CADPS: variants seen among roughly 807,000 people sequenced by gnomAD.
CADPS encodes the protein calcium-dependent secretion activator 1.
A neutral mutation model predicts 167.3 loss-of-function variants in CADPS; 57 were observed. The ratio of observed to expected loss-of-function variants is 0.34; its 90% CI spans 0.28 to 0.42. The LOEUF is 0.42. CADPS is among the 20% of genes least tolerant of loss of function. CADPS has a pLI of 1.00. For synonymous variants in CADPS, 676 were observed against 635.3 expected (o/e 1.06, Z -0.96); for missense variants, 1,414 against 1,738.1 (o/e 0.81, Z 3.32).
At chr3:62,621,801 C>T (rs1006196220) in intron 6 of CADPS, among the ~76,000 whole-genome samples, 3 of 151,972 alleles carry the variant, frequency 2.0e-5, no homozygotes, top group African/African-American at 7.2e-5. Context: ...CCGTGAGTTC[C>T]CATCATTTAG....
intron 1 of CADPS, among the ~76,000 whole-genome samples, chr3:62,823,194 G>A (rs559579288): frequency 6.6e-6 from 1 of 152,300 alleles, no homozygotes; most frequent in Non-Finnish European, 1.5e-5. Flanking sequence ...AACTCAGGTG[G>A]TAAGACTTAA....
chr3:62,735,491 G>A (rs2078814798), intron 3 of CADPS, among the ~76,000 whole-genome samples: 1 of 152,104 alleles, frequency 6.6e-6, no homozygotes, highest in Admixed American at 6.6e-5. Context: ...CATTTTGCAT[G>A]TCTTAAATAT....
At chr3:62,845,650 T>A (rs1174843346) in intron 1 of CADPS, among the ~76,000 whole-genome samples, 1 of 152,212 alleles carries the variant, frequency 6.6e-6, no homozygotes, top group Non-Finnish European at 1.5e-5. Flanking sequence ...TTTGTTGATA[T>A]GTCCCTTAAA....
chr3:62,840,178 CCT>C (rs1163978674), intron 1 of CADPS, among the ~76,000 whole-genome samples: 2 of 152,136 alleles, frequency 1.3e-5, no homozygotes, highest in African/African-American at 4.8e-5. Flanking sequence ...TCTTATTTAA[CCT>C]CTCTCACCCT....
At chr3:62,775,084 C>G (rs2089945211) in intron 1 of CADPS, among the ~76,000 whole-genome samples, 1 of 151,986 alleles carries the variant, frequency 6.6e-6, no homozygotes, top group South Asian at 2.1e-4. Context: ...GTCACTCAGG[C>G]TGGAGTGCAT....
intron 23 of CADPS, among the ~76,000 whole-genome samples, chr3:62,475,621 A>C (rs560319499): frequency 6.6e-6 from 1 of 151,496 alleles, no homozygotes; most frequent in Non-Finnish European, 1.5e-5. Flanking sequence ...AACACCTAAA[A>C]ATCCCAAACC....
Position 62,851,039 on chromosome 3 carries a change from T to C in CADPS, c.441+23550A>G, listed in dbSNP as rs1272543324. Among the ~76,000 whole-genome samples the C allele has an allele frequency of 6.1e-3, 798 of 130,488 alleles. 11 individuals carry two copies. Among genetic ancestry groups the C allele is most frequent in the African/African-American group, 0.021 (725 of 33,988 alleles). The allele number at this position is 130,488 out of a possible 152,430, so 85.6% of individuals were successfully genotyped here. A position where few individuals can be genotyped will look rare whatever the true frequency, so the allele number is the denominator to read the frequency against. On this transcript the variant is annotated intron_variant, in intron 1 of 29. Coordinates refer to ENST00000383710, the MANE Select transcript of CADPS (RefSeq NM_003716.4). ...TTTACCATTATGTAATGGCCTTCTT[T>C]GTCTCTTTTGATCTTTGTTGGTTTA...
At chr3:62,460,518 A>G (rs1238207466) in intron 26 of CADPS, among the ~76,000 whole-genome samples, 2 of 152,156 alleles carry the variant, frequency 1.3e-5, no homozygotes, top group Non-Finnish European at 2.9e-5. Context: ...AGAAAATACT[A>G]ACAAACTCTG....
intron 6 of CADPS, among the ~76,000 whole-genome samples, chr3:62,609,760 C>T (rs1219523333): frequency 1.3e-5 from 2 of 152,164 alleles, no homozygotes; most frequent in Non-Finnish European, 2.9e-5. Context: ...TAACAATGTC[C>T]TAGAAGTGAC....
chr3:62,673,373 T>C (rs1237113330), intron 3 of CADPS, among the ~76,000 whole-genome samples: 1 of 152,120 alleles, frequency 6.6e-6, no homozygotes, highest in Non-Finnish European at 1.5e-5. Context: ...GTTGAATGAG[T>C]AAATGAAAGT....
chr3:62,800,185 C>T (rs2093678057), intron 1 of CADPS, among the ~76,000 whole-genome samples: 1 of 152,120 alleles, frequency 6.6e-6, no homozygotes, highest in South Asian at 2.1e-4. Context: ...TAGGACAGTC[C>T]TTTGTCACTT....
intron 28 of CADPS, among the ~76,000 whole-genome samples, chr3:62,413,367 C>A (rs923180900): frequency 6.6e-6 from 1 of 152,128 alleles, no homozygotes; most frequent in Admixed American, 6.5e-5. Flanking sequence ...AAGGTAGAAG[C>A]AACCCAAGTG....
chr3:62,630,107 C>A (rs896127106), intron 6 of CADPS, among the ~76,000 whole-genome samples: 1 of 152,136 alleles, frequency 6.6e-6, no homozygotes, highest in African/African-American at 2.4e-5. Context: ...AGGGTGGAGA[C>A]TGTGTCTGTC....
chr3:62,528,006 G>A (rs1399184783), intron 13 of CADPS, among the ~76,000 whole-genome samples: 1 of 152,154 alleles, frequency 6.6e-6, no homozygotes, highest in Admixed American at 6.5e-5. Context: ...CCCTTAGGTG[G>A]TATAAAACTC....
chr3:62,491,268 T>G, intron 21 of CADPS, 71 bp downstream of exon 21: 4 of 1,450,782 alleles, frequency 2.8e-6, no homozygotes, highest in Non-Finnish European at 3.8e-6. Flanking sequence ...ATGACATCAT[T>G]AATCCATTTC....
chr3:62,745,806 T>C (rs1176333391), intron 3 of CADPS, among the ~76,000 whole-genome samples: 1 of 152,218 alleles, frequency 6.6e-6, no homozygotes, highest in Non-Finnish European at 1.5e-5. Flanking sequence ...CAATATTTAA[T>C]TGTGCATCTA....
At chr3:62,548,073 G>A (rs2076781525) in intron 11 of CADPS, among the ~76,000 whole-genome samples, 1 of 152,068 alleles carries the variant, frequency 6.6e-6, no homozygotes, top group Non-Finnish European at 1.5e-5. Flanking sequence ...TGCTTTATGA[G>A]GTTGATTTGA....
intron 1 of CADPS, among the ~76,000 whole-genome samples, chr3:62,850,089 T>C (rs2078243288): frequency 9.5e-6 from 1 of 105,746 alleles, no homozygotes; most frequent in Non-Finnish European, 2.1e-5. Flanking sequence ...TATTCTCTGA[T>C]GGTAGTTTGT....
At chr3:62,482,016 A>G in intron 21 of CADPS, 147 bp from the exon 22 acceptor site, 3 of 757,846 alleles carry the variant, frequency 4.0e-6, no homozygotes, top group Admixed American at 5.7e-5. Flanking sequence ...AAAGCAGCTT[A>G]CAGATGGGAA....
Sources: allele counts gnomAD v4.1 joint callset (sites outside exome capture counted in the v4.1 genomes callset), GRCh38; gene constraint gnomAD v4.1.1; transcripts MANE v1.5; gene names NCBI Gene and HGNC (gene_info 2026-07-23, HGNC 2026-07-21).